THSD7B: variants seen among roughly 807,000 people sequenced by gnomAD.
THSD7B encodes thrombospondin type-1 domain-containing protein 7B.
A neutral mutation model predicts 213.6 loss-of-function variants in THSD7B; 138 were observed. The observed-to-expected ratio is 0.65, with a 90% CI of 0.56 to 0.74. The LOEUF (loss-of-function observed/expected upper bound fraction) is 0.74. Ranked by LOEUF, THSD7B falls within the 30% of genes least tolerant of loss-of-function variation. The probability of loss-of-function intolerance (pLI) is 0.00; values close to 1 mark genes in which losing one functional copy is unlikely to be tolerated. For synonymous variants in THSD7B, 742 were observed against 687.0 expected (o/e 1.08, Z -1.25); for missense variants, 1,931 against 1,991.5 (o/e 0.97, Z 0.58).
rs1681396473 is a variant in THSD7B, at chr2:136,766,511, A to G, written c.-36+824A>G. On this transcript the variant is annotated intron_variant, in intron 1 of 27. Transcript: ENST00000409968. ...AGTATTAAAGTTATTTGAATAAGCA[A>G]ATGAACCCCGCTCTTTGGTGACCGC... Among the ~76,000 whole-genome samples, 3 of 152,116 alleles carry G rather than the reference A, an allele frequency of 2.0e-5. 1 individual carries two copies. Among genetic ancestry groups the G allele is most frequent in the Non-Finnish European group, 4.4e-5 (3 of 68,024 alleles).
At chr2:137,478,585 T>A (rs1688241093) in intron 15 of THSD7B, among the ~76,000 whole-genome samples, 2 of 152,218 alleles carry the variant, frequency 1.3e-5, no homozygotes, top group African/African-American at 4.8e-5. Context: ...TTGGAATCTC[T>A]TGTGGAAGAA....
intron 17 of THSD7B, among the ~76,000 whole-genome samples, chr2:137,600,944 G>T (rs1216077199): frequency 6.6e-6 from 1 of 151,946 alleles, no homozygotes; most frequent in African/African-American, 2.4e-5. Context: ...AAGCTAAAAC[G>T]TGTATTTATA....
At chr2:137,556,373 G>A (rs1299705087) in intron 15 of THSD7B, among the ~76,000 whole-genome samples, 1 of 152,160 alleles carries the variant, frequency 6.6e-6, no homozygotes, top group African/African-American at 2.4e-5. Flanking sequence ...CCAAAAGAGA[G>A]TGGGGGCCAA....
At chr2:137,024,655 A>G (rs1253779408) in intron 2 of THSD7B, among the ~76,000 whole-genome samples, 1 of 152,096 alleles carries the variant, frequency 6.6e-6, no homozygotes, top group Non-Finnish European at 1.5e-5. Flanking sequence ...TTGATATTTA[A>G]TACATAGCCC....
At chr2:136,878,144 C>G (rs1205691319) in intron 1 of THSD7B, among the ~76,000 whole-genome samples, 1 of 152,118 alleles carries the variant, frequency 6.6e-6, no homozygotes. Flanking sequence ...TTGTTCAATT[C>G]CCACCTATGA....
intron 1 of THSD7B, among the ~76,000 whole-genome samples, chr2:136,777,564 A>T (rs75994992): frequency 0.03 from 4,618 of 152,282 alleles, 160 homozygotes; most frequent in East Asian, 0.17. Context: ...GAAGAATCTT[A>T]GTATATGAGA....
intron 7 of THSD7B, among the ~76,000 whole-genome samples, chr2:137,179,425 A>C (rs1680413622): frequency 6.6e-6 from 1 of 152,158 alleles, no homozygotes; most frequent in African/African-American, 2.4e-5. Flanking sequence ...TAGACACAAA[A>C]AAAGTAATGA....
chr2:137,570,369 C>A (rs980278610), intron 16 of THSD7B, among the ~76,000 whole-genome samples: 5 of 151,860 alleles, frequency 3.3e-5, no homozygotes, highest in Non-Finnish European at 7.4e-5. Flanking sequence ...AGTGCAGTGG[C>A]GTGATCTCGG....
chr2:137,460,250 G>C (rs1156429222), intron 15 of THSD7B, among the ~76,000 whole-genome samples: 1 of 151,968 alleles, frequency 6.6e-6, no homozygotes, highest in Admixed American at 6.6e-5. Context: ...TTCATAATCT[G>C]GTCAATGAGT....
intron 2 of THSD7B, among the ~76,000 whole-genome samples, chr2:136,932,937 C>T (rs1684655350): frequency 6.6e-6 from 1 of 152,060 alleles, no homozygotes; most frequent in African/African-American, 2.4e-5. Context: ...GCTTGGAAGG[C>T]ACCAGAGGCA....
intron 2 of THSD7B, among the ~76,000 whole-genome samples, chr2:136,973,653 G>T (rs1209904219): frequency 1.3e-5 from 2 of 152,078 alleles, no homozygotes; most frequent in Admixed American, 6.5e-5. Context: ...GTACTGTTAT[G>T]CCATCTGTAG....
In THSD7B at chr2:137,231,298, T is replaced by C. The variant is rs775217428; in HGVS notation, c.1915+63T>C. 4.4e-5 allele frequency: 65 copies of C among 1,473,634 alleles called. No homozygotes were observed. In the East Asian group the frequency reaches 1.2e-3, roughly 27 times the overall value. 91.3% of individuals were successfully genotyped at this position (1,473,634 alleles called of 1,614,324 possible). A position where few individuals can be genotyped will look rare whatever the true frequency, so the allele number is the denominator to read the frequency against. On this transcript the variant is annotated intron_variant, in intron 8 of 27. Coordinates refer to ENST00000409968, the MANE Select transcript of THSD7B (RefSeq NM_001316349.2). ...GCCCAATTATTATCATTTTTCCTCA[T>C]TGGTGATAGAGAAGTTTATATGGAG...
intron 1 of THSD7B, among the ~76,000 whole-genome samples, chr2:136,828,212 G>A (rs144093331): frequency 2.6e-5 from 4 of 152,100 alleles, no homozygotes; most frequent in African/African-American, 7.2e-5. Context: ...CCTCTCTAGA[G>A]CATTTCATCA....
At chr2:137,325,353 G>C (rs1182317491) in intron 12 of THSD7B, among the ~76,000 whole-genome samples, 2 of 152,130 alleles carry the variant, frequency 1.3e-5, no homozygotes, top group Admixed American at 6.5e-5. Context: ...CCCTGGAAAA[G>C]AGCAAGAACA....
chr2:136,794,098 T>A (rs1682017810), intron 1 of THSD7B, among the ~76,000 whole-genome samples: 1 of 149,656 alleles, frequency 6.7e-6, no homozygotes, highest in African/African-American at 2.5e-5. Context: ...TATGTGTGCT[T>A]TGTTTTTTTT....
chr2:136,809,111 A>G lies in THSD7B; in HGVS notation c.-36+43424A>G, dbSNP rs535658361. Among the ~76,000 whole-genome samples the G allele has an allele frequency of 6.6e-5, 10 of 152,356 alleles. No individual in the cohort carries two copies. The South Asian group carries it at 1.4e-3, about 22-fold the overall frequency. ...TGTAAGGGAGAGGAATTTTTCATAT[A>G]AACATATAATATAATGTAATGAACT... is the stretch of plus-strand genomic sequence containing the variant. On this transcript the variant is annotated intron_variant, in intron 1 of 27. Transcript: ENST00000409968.
intron 14 of THSD7B, among the ~76,000 whole-genome samples, chr2:137,439,026 G>GGCCACCAGGA (rs1687346512): frequency 6.6e-6 from 1 of 151,988 alleles, no homozygotes; most frequent in African/African-American, 2.4e-5. Flanking sequence ...GCCAAGCAAG[G>GGCCACCAGGA]GCCACCAGGA....
At chr2:137,223,896 CT>C (rs199605352) in intron 7 of THSD7B, among the ~76,000 whole-genome samples, 1 of 151,998 alleles carries the variant, frequency 6.6e-6, no homozygotes, top group Non-Finnish European at 1.5e-5. Context: ...GTGCAGTATC[CT>C]CCCACCCCCG....
chr2:137,164,082 G>A (rs1400715346), intron 6 of THSD7B, among the ~76,000 whole-genome samples: 1 of 152,140 alleles, frequency 6.6e-6, no homozygotes, highest in Non-Finnish European at 1.5e-5. Context: ...GCAGATGCAG[G>A]AGACAAGTTA....
Sources: allele counts gnomAD v4.1 joint callset (sites outside exome capture counted in the v4.1 genomes callset), GRCh38; gene constraint gnomAD v4.1.1; transcripts MANE v1.5; gene names NCBI Gene and HGNC (gene_info 2026-07-23, HGNC 2026-07-21).